The following NID1 variants were observed in gnomAD, a reference collection of about 807,000 sequenced individuals.
NID1 encodes the protein nidogen-1.
Under a neutral mutation model 130.6 loss-of-function variants are expected in NID1, and 76 were observed. The observed-to-expected ratio is 0.58, with a 90% CI of 0.48 to 0.70. NID1 has a LOEUF of 0.70. Among genes scored for constraint, NID1 ranks in the 30% least tolerant of loss-of-function variants. The pLI is 0.00. For synonymous variants in NID1, 665 were observed against 675.1 expected, an observed-to-expected ratio of 0.98 and a Z score of 0.23; for missense variants, 1,517 against 1,664.8, an observed-to-expected ratio of 0.91 and a Z score of 1.54.
chr1:236,045,230 A>G (rs1659565800), intron 3 of NID1, among the ~76,000 whole-genome samples: 1 of 146,186 alleles, frequency 6.8e-6, no homozygotes, highest in Admixed American at 6.8e-5. Context: ...AAAAAAAAAA[A>G]AAGAACTATT....
intron 10 of NID1, among the ~76,000 whole-genome samples, chr1:236,015,464 T>C (rs944903056): frequency 1.3e-5 from 2 of 151,950 alleles, no homozygotes; most frequent in African/African-American, 2.4e-5. Context: ...CTGGCCAACA[T>C]GGTGAAACCC....
In NID1 at chr1:235,978,124, T is replaced by TG; in HGVS notation, c.3623-137dup. 2 of 989,822 alleles carry TG rather than the reference T, an allele frequency of 2.0e-6. 1 individual carries two copies. The allele number at this position is 989,822 out of a possible 1,614,324, so 61.3% of individuals were successfully genotyped here. On this transcript the variant is annotated intron_variant, in intron 19 of 19. Transcript: ENST00000264187. ...CCATGCTAGGAAGGCTTCAGGAGAA[T>TG]GGGGACACTGTGCTAGGCAGTCAGC...
intron 10 of NID1, among the ~76,000 whole-genome samples, chr1:236,015,018 T>C (rs1422822472): frequency 6.6e-6 from 1 of 152,218 alleles, no homozygotes; most frequent in Non-Finnish European, 1.5e-5. Flanking sequence ...CGATAATGGA[T>C]ACCAATCCTC....
rs144366532 is a variant in NID1 at position 236,030,789 on chromosome 1, T to C, written c.1538-1039A>G. 1.6e-4 allele frequency among the ~76,000 whole-genome samples: 24 copies of C among 152,356 alleles called. No homozygotes were observed. The East Asian group carries it at 3.9e-3, about 24-fold the overall frequency. On this transcript the variant is annotated intron_variant, in intron 6 of 19. Coordinates refer to ENST00000264187, the MANE Select transcript of NID1 (RefSeq NM_002508.3). Reference sequence around the variant, plus strand: ...GACCAGGAGAAATTCAGAAGGATCATTGGAGTAAACAGATTTGCTGCTGTC... The same window carrying C: ...GACCAGGAGAAATTCAGAAGGATCACTGGAGTAAACAGATTTGCTGCTGTC...
In NID1 at chr1:236,002,844, G is replaced by C. The variant is rs535121225; in HGVS notation, c.2528-8972C>G. Among the ~76,000 whole-genome samples, 3 of 152,272 alleles carry C rather than the reference G, an allele frequency of 2.0e-5. No individual in the cohort carries two copies. The East Asian group carries it at 5.8e-4, about 29-fold the overall frequency. On this transcript the variant is annotated intron_variant, in intron 12 of 19. Transcript: ENST00000264187. The stretch of plus-strand genomic sequence containing the variant: ...AGACGTGGCCACAGACATCAAGACC[G>C]GGAGCTTGTCAAGCCTTTGGGTGGC...
chr1:235,988,063 A>G (rs1348337740), intron 14 of NID1, among the ~76,000 whole-genome samples: 5 of 152,352 alleles, frequency 3.3e-5, no homozygotes, highest in Non-Finnish European at 5.9e-5. Context: ...CAAAATTAAA[A>G]ATGTCTGTGC....
intron 12 of NID1, among the ~76,000 whole-genome samples, chr1:236,007,026 T>C (rs1572591803): frequency 6.6e-6 from 1 of 151,964 alleles, no homozygotes; most frequent in East Asian, 1.9e-4. Context: ...TGTTTATTAT[T>C]TTTAAATTTT....
chr1:236,026,799 C>A (rs1015701232), intron 7 of NID1, among the ~76,000 whole-genome samples: 2 of 149,894 alleles, frequency 1.3e-5, no homozygotes, highest in African/African-American at 4.9e-5. Flanking sequence ...AGAGCAGTGG[C>A]ACGATCATGG....
At chr1:236,006,155 T>C (rs1658241912) in intron 12 of NID1, among the ~76,000 whole-genome samples, 1 of 152,168 alleles carries the variant, frequency 6.6e-6, no homozygotes, top group African/African-American at 2.4e-5. Context: ...TTCATTGCAG[T>C]GAATAGAATT....
intron 13 of NID1, among the ~76,000 whole-genome samples, chr1:235,992,555 G>A (rs775756484): frequency 4.6e-5 from 7 of 152,230 alleles, no homozygotes; most frequent in South Asian, 4.2e-4. Flanking sequence ...TGAGCCCACC[G>A]CCCCACGCAA....
chr1:236,030,101 C>T (rs1423812549), intron 6 of NID1, among the ~76,000 whole-genome samples: 1 of 152,154 alleles, frequency 6.6e-6, no homozygotes, highest in Non-Finnish European at 1.5e-5. Context: ...CTCCATTTCC[C>T]TGATGATTAA....
At chr1:236,057,269 A>G (rs1475141829) in intron 1 of NID1, among the ~76,000 whole-genome samples, 1 of 152,132 alleles carries the variant, frequency 6.6e-6, no homozygotes, top group Non-Finnish European at 1.5e-5. Context: ...AAAAAAGTAC[A>G]TGGATTATGG....
intron 1 of NID1, among the ~76,000 whole-genome samples, chr1:236,062,816 C>T (rs1660078788): frequency 6.6e-6 from 1 of 152,088 alleles, no homozygotes; most frequent in Non-Finnish European, 1.5e-5. Flanking sequence ...GTTACCTGAA[C>T]TGCCCTTGGA....
chr1:236,041,655 G>C (rs764699279), intron 4 of NID1, among the ~76,000 whole-genome samples: 8 of 152,076 alleles, frequency 5.3e-5, no homozygotes, highest in Non-Finnish European at 1.0e-4. Context: ...GGAATACTAG[G>C]AAACTTGAAA....
intron 7 of NID1, among the ~76,000 whole-genome samples, chr1:236,028,677 G>C (rs532692275): frequency 6.8e-6 from 1 of 146,988 alleles, no homozygotes; most frequent in African/African-American, 2.6e-5. Context: ...ATTCTCAAAT[G>C]GTCAGTATAC....
intron 12 of NID1, among the ~76,000 whole-genome samples, chr1:236,010,117 T>C (rs888128735): frequency 6.6e-6 from 1 of 152,184 alleles, no homozygotes; most frequent in Non-Finnish European, 1.5e-5. Flanking sequence ...TTGTTAATAG[T>C]AGCTGGAATG....
At chr1:236,050,216 A>G (rs118158684) in intron 1 of NID1, among the ~76,000 whole-genome samples, 1 of 152,152 alleles carries the variant, frequency 6.6e-6, no homozygotes, top group African/African-American at 2.4e-5. Flanking sequence ...CCTTTTAATT[A>G]CTTCATGAAT....
chr1:236,045,031 T>C (rs954188169), intron 3 of NID1, among the ~76,000 whole-genome samples: 1 of 151,878 alleles, frequency 6.6e-6, no homozygotes. Flanking sequence ...AAACCCCGTC[T>C]CTACTAAAAA....
Position 236,024,205 on chromosome 1 carries a change from G to A in NID1, c.1993C>T (p.Pro665Ser). 1.9e-6 allele frequency: 3 copies of A among 1,614,236 alleles called. No homozygotes were observed. Among genetic ancestry groups the A allele is most frequent in the Non-Finnish European group, 2.5e-6 (3 of 1,180,046 alleles). ...TAGCAGGGATTCTGAAGAGCATCAG[G>A]GGAGCCTTCTGTGAAGACAGAGACA... ...NSIGPVREGS[P>S]DALQNPCYIG... is the part of the protein sequence containing the mutation. Residue 665 changes from proline to serine, a missense_variant, in exon 9 of 20, where the codon CCT becomes TCT. Coordinates refer to ENST00000264187, the MANE Select transcript of NID1 (RefSeq NM_002508.3).
Sources: gnomAD v4.1 joint callset for allele counts (sites outside exome capture counted in the v4.1 genomes callset) on GRCh38, gnomAD v4.1.1 for gene constraint, MANE v1.5 for transcripts, NCBI Gene and HGNC (gene_info 2026-07-23, HGNC 2026-07-21) for gene names.